Variants in PRRC2A observed in about 807,000 individuals in gnomAD.
The protein encoded by PRRC2A is protein PRRC2A.
Under a neutral mutation model 224.6 loss-of-function variants are expected in PRRC2A, and 59 were observed. That is an observed-to-expected ratio of 0.26 (90% confidence interval 0.21 to 0.33). PRRC2A has a LOEUF of 0.33. Among genes scored for constraint, PRRC2A ranks in the 10% least tolerant of loss-of-function variants. PRRC2A has a pLI of 1.00. For missense variants in PRRC2A, 3,095 were observed against 2,880.7 expected (o/e 1.07, Z -1.70); for synonymous variants, 1,194 against 1,109.5 (o/e 1.08, Z -1.51).
chr6:31,624,152 T>C (rs191092650), intron 3 of PRRC2A, 109 bp from the exon 4 acceptor site: 3 of 1,208,928 alleles, frequency 2.5e-6, no homozygotes, highest in East Asian at 4.7e-5. Context: ...TTTGTCCTTA[T>C]ATTTGTAAAT....
rs1301450895 is a variant in PRRC2A at position 31,623,903 on chromosome 6, C to A, written c.284C>A (p.Pro95His). 1.2e-5 allele frequency: 19 copies of A among 1,614,084 alleles called. No individual in the cohort carries two copies. The highest frequency in any genetic ancestry group is 1.5e-5 in the Non-Finnish European group (18 of 1,179,982). ...GWASKQEQSD[P>H]KSSDASTAQP... ...GCAAGCAAACAGGAGCAGTCCGACC[C>A]CAAGAGGTAGACAGAGGCTTGGGGG... Residue 95 changes from proline to histidine, a missense_variant, in exon 3 of 31, where the codon CCC becomes CAC. Physicochemically the swap from Pro to His is moderately conservative, Grantham distance 77 (BLOSUM62 -2). Around this residue, in one of 8 missense-constraint regions of PRRC2A, gnomAD observed 52 missense variants for 77.9 expected, o/e 0.67. Coordinates refer to ENST00000376033, the MANE Select transcript of PRRC2A (RefSeq NM_004638.4).
chr6:31,633,348 G>C (rs1178616570), intron 16 of PRRC2A, 31 bp from the exon 17 acceptor site: 1 of 1,594,316 alleles, frequency 6.3e-7, no homozygotes, highest in Admixed American at 1.7e-5. Flanking sequence ...CGATTTAGTG[G>C]ATACTGGAGC....
Position 31,626,757 on chromosome 6 carries a change from C to T in PRRC2A, c.983-15C>T. 6.4e-7 allele frequency: 1 copy of T among 1,562,038 alleles called. No individual in the cohort carries two copies. Among genetic ancestry groups the T allele is most frequent in the Non-Finnish European group, 8.7e-7 (1 of 1,152,486 alleles). On this transcript the variant is annotated splice_polypyrimidine_tract_variant and intron_variant, in intron 9 of 30. Coordinates refer to ENST00000376033, the MANE Select transcript of PRRC2A (RefSeq NM_004638.4). ...GCAGAATGCTTGGGTTACTAATACT[C>T]ATATTTCCCCTCAGGGGCCCATGAA...
Position 31,634,743 on chromosome 6 carries a change from C to A in PRRC2A, c.4936-10C>A. The A allele has an allele frequency of 6.2e-7, 1 of 1,610,856 alleles. No individual in the cohort carries two copies. Among genetic ancestry groups the A allele is most frequent in the Non-Finnish European group, 8.5e-7 (1 of 1,178,922 alleles). ...CCTGACTTAACTAGCTCCTTCTCCA[C>A]TCCTCTCAGATGAGTCAGTCTGACA... On this transcript the variant is annotated splice_polypyrimidine_tract_variant and intron_variant, in intron 20 of 30. Coordinates refer to ENST00000376033, the MANE Select transcript of PRRC2A (RefSeq NM_004638.4).
chr6:31,633,813 T>G (rs1490568431), intron 17 of PRRC2A, 46 bp from the exon 18 acceptor site: 3 of 1,549,816 alleles, frequency 1.9e-6, no homozygotes. Context: ...AAAGTTAGGG[T>G]CAGTGGCAGA....
Position 31,629,690 on chromosome 6 carries a change from C to G in PRRC2A, c.2099C>G (p.Pro700Arg), listed in dbSNP as rs896381430. The change falls in exon 14 of 31, where the codon CCC (proline) becomes CGC (arginine). Residue 700 changes from proline (P) to arginine (R), a missense_variant. By Grantham distance (103) the Pro-to-Arg change is moderately radical. Around this residue, in one of 8 missense-constraint regions of PRRC2A, gnomAD observed 2,001 missense variants for 1,764.9 expected, o/e 1.13. Coordinates refer to ENST00000376033, the MANE Select transcript of PRRC2A (RefSeq NM_004638.4). ...GCTCCACAGGCTCCACCCCCGCCCC[C>G]CAAGGCCCTGTACCCAGGTGCTCTG... Reference protein sequence around the residue: ...VPAPQAPPPPPKALYPGALGR... With the variant: ...VPAPQAPPPPRKALYPGALGR... 1.2e-5 allele frequency: 20 copies of G among 1,604,474 alleles called. No individual in the cohort carries two copies. The highest frequency in any genetic ancestry group is 1.6e-5 in the Non-Finnish European group (19 of 1,174,658).
chr6:31,629,083 G>C, intron 12 of PRRC2A, 61 bp from the exon 13 acceptor site: 1 of 1,519,622 alleles, frequency 6.6e-7, no homozygotes, highest in Non-Finnish European at 9.1e-7. Context: ...GAGATTCCTG[G>C]GGTGTTCATG....
At position 31,626,022 on chromosome 6, in the gene PRRC2A, G is replaced by A. The variant is rs546085889; in HGVS notation, c.842G>A (p.Arg281His). The change falls in exon 9 of 31, where the codon CGT (arginine) becomes CAT (histidine). Residue 281 changes from arginine to histidine, a missense_variant and splice_region_variant. This residue lies in a region of PRRC2A where 287 missense variants were observed against 275.3 expected (regional missense o/e 1.04). Transcript: ENST00000376033. ...YRYPTPDGPS[R>H]FPRVAGPRGS... ...TTCATTTTCTTTTTTGTGTACAGCCGTTTTCCCCGTGTGGCGGGCCCCCGA... is the reference window on the plus strand; with the variant it reads ...TTCATTTTCTTTTTTGTGTACAGCCATTTTCCCCGTGTGGCGGGCCCCCGA... 1.1e-5 allele frequency: 17 copies of A among 1,611,774 alleles called. No individual in the cohort carries two copies. The highest frequency in any genetic ancestry group is 9.3e-5 in the African/African-American group (7 of 74,914).
At chr6:31,623,218 G>T in intron 2 of PRRC2A, 1 of 625,126 alleles carries the variant, frequency 1.6e-6, no homozygotes, top group East Asian at 3.5e-5. Context: ...TAAAAGTATT[G>T]AATGTTACAT....
In PRRC2A at chr6:31,634,735, C is replaced by G; in HGVS notation, c.4936-18C>G. On this transcript the variant is annotated intron_variant, in intron 20 of 30. Transcript: ENST00000376033. ...CTTTCTACCCTGACTTAACTAGCTC[C>G]TTCTCCACTCCTCTCAGATGAGTCA... is the stretch of plus-strand genomic sequence containing the variant. 3.1e-6 allele frequency: 5 copies of G among 1,609,642 alleles called. No homozygotes were observed. In the Admixed American group the frequency reaches 6.7e-5, roughly 21 times the overall value.
At chr6:31,623,082 T>TC (rs765672278) in intron 2 of PRRC2A, 181 bp downstream of exon 2, 1 of 764,300 alleles carries the variant, frequency 1.3e-6, no homozygotes, top group Non-Finnish European at 2.4e-6. Context: ...CCAGTTATCC[T>TC]CCTACAAAGG....
rs745990135 is a variant in PRRC2A, at chr6:31,631,918, G to A, written c.3245G>A (p.Arg1082His). Residue 1082 changes from arginine to histidine, a missense_variant, in exon 16 of 31, where the codon CGC (arginine) becomes CAC (histidine). Transcript: ENST00000376033. The surrounding 1 kb of genome is among the most constrained non-coding windows in gnomAD (Gnocchi z 4.5). The part of the protein sequence containing the change: ...GPNHPPAPRG[R>H]TASETRSEGS... ...AACCACCCTCCTGCTCCCCGAGGCC[G>A]CACTGCCAGCGAGACACGGAGCGAG... The A allele has an allele frequency of 8.7e-6, 14 of 1,612,468 alleles. No individual in the cohort carries two copies. The highest frequency in any genetic ancestry group is 6.7e-5 in the Admixed American group (4 of 59,938).
chr6:31,634,523 C>A lies in PRRC2A; in HGVS notation c.4901C>A (p.Pro1634His). Residue 1634 changes from proline to histidine, a missense_variant, in exon 20 of 31, where the codon CCC becomes CAC. This residue lies in a region of PRRC2A where 2,001 missense variants were observed against 1,764.9 expected (regional missense o/e 1.13). Coordinates refer to ENST00000376033, the MANE Select transcript of PRRC2A (RefSeq NM_004638.4). ...AGCTCCATGGAGCCTTGGATGGAGC[C>A]CCTGAGTCCTTTTGAGGATGTGGCT... Reference protein sequence around the residue: ...RPSSMEPWMEPLSPFEDVAGT... With the variant: ...RPSSMEPWMEHLSPFEDVAGT... 1 of 1,612,828 alleles carries A rather than the reference C, an allele frequency of 6.2e-7. No homozygotes were observed. The highest frequency in any genetic ancestry group is 8.5e-7 in the Non-Finnish European group (1 of 1,179,944).
Position 31,632,920 on chromosome 6 carries a change from G to C in PRRC2A, c.4247G>C (p.Gly1416Ala). ...AGTGGCAGCAGCAGTGGAGGAGGCG[G>C]TGGGGGTCCTGGAGGAAGGACCGGG... ...GSSGSSSGGG[G>A]GGPGGRTGPG... The change falls in exon 16 of 31, where the codon GGT becomes GCT. Residue 1416 changes from glycine (G) to alanine (A), a missense_variant. Transcript: ENST00000376033. 1 of 1,612,560 alleles carries C rather than the reference G, an allele frequency of 6.2e-7. No homozygotes were observed.
At position 31,629,677 on chromosome 6, in the gene PRRC2A, C is replaced by T; in HGVS notation, c.2086C>T (p.Pro696Ser). The T allele has an allele frequency of 5.0e-6, 8 of 1,605,728 alleles. No individual in the cohort carries two copies. Among genetic ancestry groups the T allele is most frequent in the Non-Finnish European group, 6.8e-6 (8 of 1,175,664 alleles). ...GGGGGCTGTGCCAGCTCCACAGGCTCCACCCCCGCCCCCCAAGGCCCTGTA... is the reference window on the plus strand; with the variant it reads ...GGGGGCTGTGCCAGCTCCACAGGCTTCACCCCCGCCCCCCAAGGCCCTGTA... The part of the protein sequence containing the change: ...TLGAVPAPQA[P>S]PPPPKALYPG... The change falls in exon 14 of 31, where the codon CCA (proline) becomes TCA (serine). Residue 696 changes from proline (P) to serine (S), a missense_variant. This residue lies in a region of PRRC2A where 2,001 missense variants were observed against 1,764.9 expected (regional missense o/e 1.13). Coordinates refer to ENST00000376033, the MANE Select transcript of PRRC2A (RefSeq NM_004638.4).
rs753666625 is a variant in PRRC2A, at chr6:31,631,533, A to G, written c.2860A>G (p.Lys954Glu). 6.3e-7 allele frequency: 1 copy of G among 1,596,110 alleles called. No homozygotes were observed. The highest frequency in any genetic ancestry group is 1.8e-5 in the Admixed American group (1 of 54,676). The change falls in exon 16 of 31, where the codon AAA becomes GAA. Residue 954 changes from lysine to glutamate, a missense_variant. Around this residue, in one of 8 missense-constraint regions of PRRC2A, gnomAD observed 2,001 missense variants for 1,764.9 expected, o/e 1.13. Transcript: ENST00000376033. This position sits in a 1 kb window ranked among gnomAD's most constrained non-coding sequence, Gnocchi z 4.5. ...ACCCCGCCGGGCTGGGCCTATAAAG[A>G]AACCTCCACCACCTACAAAAGTAGA... ...APPRRAGPIK[K>E]PPPPTKVEEL...
intron 9 of PRRC2A, 57 bp downstream of exon 9, chr6:31,626,219 A>G: frequency 6.6e-7 from 1 of 1,523,710 alleles, no homozygotes. Flanking sequence ...CCTAATGAGG[A>G]AAAAAAAATA....
chr6:31,633,445 C>T lies in PRRC2A; in HGVS notation c.4386C>T (p.Val1462=). Reference sequence around the variant, plus strand: ...CCCCACCTCCCAGCAGTTCTGCTGTCTTCCGCCTGGACCAAGTTATCCACA... The same window carrying T: ...CCCCACCTCCCAGCAGTTCTGCTGTTTTCCGCCTGGACCAAGTTATCCACA... ...LPPPPPSSSA[V]FRLDQVIHSN... is the part of the protein sequence containing the mutation. Residue 1462 remains valine (V), a synonymous_variant, in exon 17 of 31, where the codon GTC becomes GTT. Coordinates refer to ENST00000376033, the MANE Select transcript of PRRC2A (RefSeq NM_004638.4). The T allele has an allele frequency of 6.2e-6, 10 of 1,613,120 alleles. No homozygotes were observed. Among genetic ancestry groups the T allele is most frequent in the Non-Finnish European group, 8.5e-6 (10 of 1,180,036 alleles).
In PRRC2A at chr6:31,633,404, G is replaced by C. The variant is rs774952129; in HGVS notation, c.4345G>C (p.Gly1449Arg). ...TCGTCCTCCAGAGGAGCGTCCCCCGGGGCTTCCCCTGCCTCCCCCACCTCC... is the reference window on the plus strand; with the variant it reads ...TCGTCCTCCAGAGGAGCGTCCCCCGCGGCTTCCCCTGCCTCCCCCACCTCC... ...RSRPPEERPP[G>R]LPLPPPPPSS... The change falls in exon 17 of 31, where the codon GGG becomes CGG. Residue 1449 changes from glycine (G) to arginine (R), a missense_variant. Physicochemically the swap from Gly to Arg is moderately radical, Grantham distance 125. Coordinates refer to ENST00000376033, the MANE Select transcript of PRRC2A (RefSeq NM_004638.4). 1.2e-6 allele frequency: 2 copies of C among 1,612,956 alleles called. No individual in the cohort carries two copies. The highest frequency in any genetic ancestry group is 8.5e-7 in the Non-Finnish European group (1 of 1,179,968).
Sources: allele counts gnomAD v4.1 joint callset, GRCh38; gene constraint gnomAD v4.1.1; regional missense constraint gnomAD v4.1.1; non-coding constraint Gnocchi (gnomAD v3.1); transcripts MANE v1.5; gene names NCBI Gene and HGNC (gene_info 2026-07-23, HGNC 2026-07-21).